Variants in ZNF536 observed in about 807,000 individuals in gnomAD.
ZNF536 encodes zinc finger protein 536.
In ZNF536, 13 loss-of-function variants were observed where a neutral mutation model predicts 84.5. The observed-to-expected ratio is 0.15, with a 90% CI of 0.10 to 0.24. The LOEUF (loss-of-function observed/expected upper bound fraction) is 0.24. Ranked by LOEUF, ZNF536 falls within the 10% of genes least tolerant of loss-of-function variation. The pLI is 1.00. For missense variants in ZNF536, 1,536 were observed against 1,747.5 expected (o/e 0.88, Z 2.16); for synonymous variants, 811 against 742.5 (o/e 1.09, Z -1.50).
At chr19:30,683,714 C>T (rs1325795945) in intron 1 of ZNF536, among the ~76,000 whole-genome samples, 3 of 152,216 alleles carry the variant, frequency 2.0e-5, no homozygotes, top group Non-Finnish European at 2.9e-5. Flanking sequence ...ACCAAAGAAG[C>T]GTGTGGCCAC....
chr19:30,286,167 T>C (rs1372728338), intron 2 of ZNF536, among the ~76,000 whole-genome samples: 1 of 152,210 alleles, frequency 6.6e-6, no homozygotes, highest in Non-Finnish European at 1.5e-5. Flanking sequence ...ACGCTCATGA[T>C]TGATAACATT....
rs574913445 is a variant in ZNF536 at position 30,339,723 on chromosome 19, G to T, written c.-119-12645G>T. On this transcript the variant is annotated intron_variant, in intron 2 of 5. Transcript: ENST00000585628. ...GCACCATAGGGAGACAAGAGGGGCT[G>T]CTACAGCCCTGGAGTGTGGAGGAAA... 6.6e-4 allele frequency among the ~76,000 whole-genome samples: 100 copies of T among 152,294 alleles called. 1 individual carries two copies. The highest frequency in any genetic ancestry group is 2.3e-3 in the African/African-American group (94 of 41,568).
At chr19:30,334,236 GT>G (rs776917271) in intron 2 of ZNF536, among the ~76,000 whole-genome samples, 4 of 152,212 alleles carry the variant, frequency 2.6e-5, no homozygotes, top group South Asian at 2.1e-4. Context: ...AAGTTTGAAT[GT>G]TGGTAATGGC....
Position 30,457,075 on chromosome 19 carries a change from G to A in ZNF536, c.2170+11343G>A, listed in dbSNP as rs2052889989. 1.3e-5 allele frequency among the ~76,000 whole-genome samples: 2 copies of A among 150,956 alleles called. 1 individual carries two copies. Among genetic ancestry groups the A allele is most frequent in the South Asian group, 4.2e-4 (2 of 4,776 alleles). On this transcript the variant is annotated intron_variant, in intron 2 of 4. Transcript: ENST00000355537. ...AAAAAAACAAAAAAAAAGATGAATAGAGATGCATCTCAGTGTCTGGAAGCC... is the reference window on the plus strand; with the variant it reads ...AAAAAAACAAAAAAAAAGATGAATAAAGATGCATCTCAGTGTCTGGAAGCC...
chr19:30,497,663 G>C (rs2054779955), intron 2 of ZNF536, among the ~76,000 whole-genome samples: 1 of 152,150 alleles, frequency 6.6e-6, no homozygotes, highest in Non-Finnish European at 1.5e-5. Context: ...GAAGTCCCCG[G>C]ATCCTGAATT....
At chr19:30,284,397 C>T (rs1400501047) in intron 2 of ZNF536, among the ~76,000 whole-genome samples, 1 of 152,198 alleles carries the variant, frequency 6.6e-6, no homozygotes, top group Non-Finnish European at 1.5e-5. Flanking sequence ...TTCTCTCTTG[C>T]GTGACACCCT....
At chr19:30,428,557 A>C (rs2051311996) in intron 1 of ZNF536, among the ~76,000 whole-genome samples, 2 of 151,996 alleles carry the variant, frequency 1.3e-5, no homozygotes, top group African/African-American at 4.8e-5. Flanking sequence ...TGGCTGCTGA[A>C]GGCTGCTTGC....
chr19:30,421,681 C>G (rs551768678), intron 1 of ZNF536, among the ~76,000 whole-genome samples: 1 of 152,142 alleles, frequency 6.6e-6, no homozygotes, highest in Non-Finnish European at 1.5e-5. Flanking sequence ...TCAGAAGATA[C>G]GGAGACCCCC....
intron 4 of ZNF536, among the ~76,000 whole-genome samples, chr19:30,553,774 G>A (rs190113180): frequency 5.3e-5 from 8 of 152,320 alleles, no homozygotes; most frequent in African/African-American, 1.7e-4. Flanking sequence ...AGGCCACTGT[G>A]AGCTAGGATC....
At chr19:30,294,824 G>A (rs932946674) in intron 2 of ZNF536, among the ~76,000 whole-genome samples, 3 of 152,188 alleles carry the variant, frequency 2.0e-5, no homozygotes, top group African/African-American at 7.2e-5. Flanking sequence ...TGAAGGCTGA[G>A]AGAAGCTTGT....
At chr19:30,567,640 G>C (rs1568561810) in intron 1 of ZNF536, among the ~76,000 whole-genome samples, 1 of 152,196 alleles carries the variant, frequency 6.6e-6, no homozygotes, top group Non-Finnish European at 1.5e-5. Context: ...TAGAGAGTGG[G>C]TGGCCCAGGG....
intron 1 of ZNF536, among the ~76,000 whole-genome samples, chr19:30,708,671 G>T (rs951450064): frequency 6.6e-6 from 1 of 152,164 alleles, no homozygotes; most frequent in Non-Finnish European, 1.5e-5. Flanking sequence ...CAGGTAGAAT[G>T]GATTAGTCCT....
At chr19:30,584,963 G>T (rs1055261384) in intron 1 of ZNF536, among the ~76,000 whole-genome samples, 2 of 151,960 alleles carry the variant, frequency 1.3e-5, no homozygotes, top group Non-Finnish European at 2.9e-5. Context: ...TGGGCATGTT[G>T]GTATGTGCCT....
At chr19:30,228,063 C>T (rs535924389), upstream of ZNF536, among the ~76,000 whole-genome samples, 746 of 150,954 alleles carry the variant, frequency 4.9e-3, 4 homozygotes, top group African/African-American at 0.017. The surrounding 1 kb of genome is among the most constrained non-coding windows in gnomAD (Gnocchi z 4.5). Flanking sequence ...TATGTGCGTG[C>T]GTGTGTGTGT....
intron 1 of ZNF536, among the ~76,000 whole-genome samples, chr19:30,703,322 G>A (rs1163838668): frequency 6.6e-6 from 1 of 152,146 alleles, no homozygotes; most frequent in African/African-American, 2.4e-5. Flanking sequence ...CCTCCTGGCA[G>A]GTGTTACGGG....
chr19:30,452,088 C>A (rs551409544), intron 2 of ZNF536, among the ~76,000 whole-genome samples: 1 of 152,200 alleles, frequency 6.6e-6, no homozygotes, highest in African/African-American at 2.4e-5. Context: ...ACAAGGTGTC[C>A]CTTGATTGAT....
chr19:30,513,114 T>C (rs1211369266), intron 2 of ZNF536, among the ~76,000 whole-genome samples: 1 of 152,182 alleles, frequency 6.6e-6, no homozygotes, highest in African/African-American at 2.4e-5. Context: ...CACATTAGAA[T>C]AATGGAAAGC....
chr19:30,238,468 T>G (rs866360864), intron 1 of ZNF536, among the ~76,000 whole-genome samples: 5 of 151,376 alleles, frequency 3.3e-5, no homozygotes, highest in Middle Eastern at 6.8e-3. Context: ...CAATCACACA[T>G]GAAAACACAT....
rs147618273 is a variant in ZNF536 at position 30,390,631 on chromosome 19, T to C, written c.-3+18075T>C. On this transcript the variant is annotated intron_variant, in intron 1 of 4. Transcript: ENST00000355537. ...GTCTTCTTGAGGTCTGAAGGTGCTT[T>C]TATGTTTCCAAATCTATCGGAGCCT... Among the ~76,000 whole-genome samples the C allele has an allele frequency of 3.2e-4, 49 of 152,326 alleles. No individual in the cohort carries two copies. In the East Asian group the frequency reaches 9.1e-3, roughly 28 times the overall value.
Sources: gnomAD v4.1 joint callset for allele counts (sites outside exome capture counted in the v4.1 genomes callset) on GRCh38, gnomAD v4.1.1 for gene constraint, Gnocchi (gnomAD v3.1) non-coding constraint, MANE v1.5 for transcripts, NCBI Gene and HGNC (gene_info 2026-07-23, HGNC 2026-07-21) for gene names.